Variants in RBBP7 observed in about 807,000 individuals in gnomAD.
The protein encoded by RBBP7 is RB binding protein 7, chromatin remodeling factor.
Under a neutral mutation model 35.2 loss-of-function variants are expected in RBBP7, and 5 were observed. The observed-to-expected ratio is 0.14, with a 90% CI of 0.07 to 0.30. The LOEUF (loss-of-function observed/expected upper bound fraction) is 0.30, where lower values mean the gene tolerates loss of function less well. RBBP7 is among the 10% of genes least tolerant of loss of function. The pLI is 1.00. For missense variants in RBBP7, 155 were observed against 327.5 expected (o/e 0.47, Z 4.07); for synonymous variants, 140 against 118.7 (o/e 1.18, Z -1.17).
At chrX:16,845,180 A>G in intron 11 of RBBP7, 77 bp from the exon 12 acceptor site, 1 of 687,102 alleles carries the variant, frequency 1.5e-6, no homozygotes, top group South Asian at 2.8e-5. Context: ...AATTTAATCT[A>G]TTTAGAACTT....
chrX:16,851,635 A>C (rs1197648951), intron 9 of RBBP7, among the ~76,000 whole-genome samples: 1 of 112,376 alleles, frequency 8.9e-6, no homozygotes, highest in Non-Finnish European at 1.9e-5. Flanking sequence ...GCACATCTGC[A>C]GAATGAATCA....
At chrX:16,868,122 C>G (rs773536118) in intron 2 of RBBP7, among the ~76,000 whole-genome samples, 16 of 111,841 alleles carry the variant, frequency 1.4e-4, no homozygotes, top group African/African-American at 4.9e-4. Context: ...GAGACACGGT[C>G]TCACTCTGTT....
chrX:16,869,604 G>A (rs910104054), intron 1 of RBBP7: 24 of 1,162,158 alleles, frequency 2.1e-5, no homozygotes, highest in Non-Finnish European at 2.5e-5. Context: ...CCCATCAGGG[G>A]AGGCCCCAGC....
intron 2 of RBBP7, among the ~76,000 whole-genome samples, chrX:16,868,678 T>TA (rs1462387170): frequency 1.8e-5 from 2 of 112,815 alleles, no homozygotes; most frequent in Non-Finnish European, 3.7e-5. Flanking sequence ...GGATGACTGT[T>TA]ACGTGTGTTC....
At chrX:16,850,863 C>T (rs898160457) in intron 9 of RBBP7, among the ~76,000 whole-genome samples, 11 of 112,223 alleles carry the variant, frequency 9.8e-5, no homozygotes, top group Non-Finnish European at 1.7e-4. Context: ...CTTTGGGAGG[C>T]CAAGGCGGGA....
At chrX:16,863,950 G>A (rs1930532916) in intron 2 of RBBP7, among the ~76,000 whole-genome samples, 1 of 111,212 alleles carries the variant, frequency 9.0e-6, no homozygotes, top group South Asian at 3.7e-4. Context: ...GGACTGAGAA[G>A]TAGGGGTCTA....
intron 10 of RBBP7, 64 bp from the exon 11 acceptor site, chrX:16,846,002 T>G: frequency 8.6e-7 from 1 of 1,160,770 alleles, no homozygotes; most frequent in Non-Finnish European, 1.1e-6. Context: ...ACAAAGGTTT[T>G]ACTAAGTTTT....
At chrX:16,868,694 G>A (rs1373853378) in intron 2 of RBBP7, among the ~76,000 whole-genome samples, 4 of 112,384 alleles carry the variant, frequency 3.6e-5, no homozygotes, top group Non-Finnish European at 7.5e-5. Context: ...TGTTCACTTT[G>A]TAAAAATTTA....
At chrX:16,851,490 T>C (rs1392676339) in intron 9 of RBBP7, among the ~76,000 whole-genome samples, 1 of 112,135 alleles carries the variant, frequency 8.9e-6, no homozygotes, top group African/African-American at 3.2e-5. Flanking sequence ...AAGTCTGAAC[T>C]AAAGGAACTT....
intron 2 of RBBP7, among the ~76,000 whole-genome samples, chrX:16,863,954 G>A (rs925974977): frequency 7.2e-5 from 8 of 111,014 alleles, no homozygotes; most frequent in African/African-American, 2.6e-4. Context: ...TGAGAAGTAG[G>A]GGTCTAGGCC....
intron 1 of RBBP7, 187 bp from the exon 2 acceptor site, chrX:16,869,407 T>C (rs1215316883): frequency 2.8e-6 from 3 of 1,081,536 alleles, no homozygotes; most frequent in East Asian, 3.3e-5. Context: ...ATTTTTTCCA[T>C]TGAGATCAAT....
At chrX:16,867,785 G>C (rs192411475) in intron 2 of RBBP7, among the ~76,000 whole-genome samples, 2 of 110,142 alleles carry the variant, frequency 1.8e-5, no homozygotes, top group Admixed American at 9.7e-5. Flanking sequence ...CAATTCTCCT[G>C]CCTCTGCCTC....
rs1930018085 is a variant in RBBP7 at position 16,844,554 on chromosome X, C to CGTTA, written c.*480_*481insTAAC. 1 of 110,848 alleles carries CGTTA rather than the reference C, an allele frequency of 9.0e-6. No homozygotes were observed. The highest frequency in any genetic ancestry group is 3.9e-4 in the South Asian group (1 of 2,597). 9.1% of individuals were successfully genotyped at this position (110,848 alleles called of 1,213,427 possible). On this transcript the variant is annotated 3_prime_UTR_variant, in exon 12 of 12. Coordinates refer to ENST00000380087, the MANE Select transcript of RBBP7 (RefSeq NM_002893.4). ...TGTATTCTTTCATTATCCATGTGAC[C>CGTTA]TTAACTGTAGGAGTCCAAAGGTACC...
At chrX:16,865,311 C>T (rs776371820) in intron 2 of RBBP7, among the ~76,000 whole-genome samples, 1 of 111,523 alleles carries the variant, frequency 9.0e-6, no homozygotes, top group East Asian at 2.8e-4. Context: ...GAAGGCACCA[C>T]AGAGCAATGC....
chrX:16,865,694 T>A (rs898851930), intron 2 of RBBP7, among the ~76,000 whole-genome samples: 2 of 112,345 alleles, frequency 1.8e-5, no homozygotes, highest in Non-Finnish European at 3.8e-5. Flanking sequence ...TGCAGAATCC[T>A]TTGACCCCAG....
intron 3 of RBBP7, 65 bp downstream of exon 3, chrX:16,862,890 T>C (rs902435164): frequency 1.7e-5 from 19 of 1,119,758 alleles, no homozygotes; most frequent in South Asian, 1.6e-4. Flanking sequence ...ATAGTTTTAA[T>C]AGCATATGCT....
Position 16,844,614 on chromosome X carries a change from C to G in RBBP7, c.*421G>C, listed in dbSNP as rs1206428664. On this transcript the variant is annotated 3_prime_UTR_variant, in exon 12 of 12. Coordinates refer to ENST00000380087, the MANE Select transcript of RBBP7 (RefSeq NM_002893.4). ...ATTTCTACTCAAAAAGTAGACTCCC[C>G]CGCCCCCCCCCACTAAGCTTTTAAA... 1 of 64,219 alleles carries G rather than the reference C, an allele frequency of 1.6e-5. No homozygotes were observed. Among genetic ancestry groups the G allele is most frequent in the Non-Finnish European group, 2.6e-5 (1 of 38,350 alleles). The allele number at this position is 64,219 out of a possible 1,213,427, so 5.3% of individuals were successfully genotyped here.
chrX:16,844,892 C>T lies in RBBP7; in HGVS notation c.*143G>A, dbSNP rs1272061934. ...ATATGATACAGTACGCAACAGCTCA[C>T]TTGAAAGTGCTAGAATCAGAGGATA... On this transcript the variant is annotated 3_prime_UTR_variant, in exon 12 of 12. Coordinates refer to ENST00000380087, the MANE Select transcript of RBBP7 (RefSeq NM_002893.4). The T allele has an allele frequency of 3.8e-5, 18 of 471,465 alleles. No individual in the cohort carries two copies. The East Asian group carries it at 6.6e-4, about 17-fold the overall frequency. 38.9% of individuals were successfully genotyped at this position (471,465 alleles called of 1,213,427 possible).
In RBBP7 at chrX:16,863,676, G is replaced by A. The variant is rs748359300; in HGVS notation, c.162-576C>T. ...CTCAGTTTCTTCACTGAATAAAATA[G>A]GCTATAAGTGCAAATGGCATGATGT... On this transcript the variant is annotated intron_variant, in intron 2 of 11. Transcript: ENST00000380087. Among the ~76,000 whole-genome samples the A allele has an allele frequency of 5.3e-4, 59 of 112,186 alleles. 1 individual carries two copies. Among genetic ancestry groups the A allele is most frequent in the Non-Finnish European group, 9.8e-4 (52 of 53,246 alleles).
Sources: gnomAD v4.1 joint callset for allele counts (sites outside exome capture counted in the v4.1 genomes callset) on GRCh38, gnomAD v4.1.1 for gene constraint, MANE v1.5 for transcripts, NCBI Gene and HGNC (gene_info 2026-07-23, HGNC 2026-07-21) for gene names.